MOB3B: variants seen among roughly 807,000 people sequenced by gnomAD.
MOB3B encodes the protein MOB kinase activator-like 2B.
Under a neutral mutation model 18.7 loss-of-function variants are expected in MOB3B, and 7 were observed. The observed-to-expected ratio is 0.37, with a 90% confidence interval of 0.21 to 0.70. The LOEUF (loss-of-function observed/expected upper bound fraction) is 0.70. Ranked by LOEUF, MOB3B falls within the 30% of genes least tolerant of loss-of-function variation. The pLI, the probability that MOB3B is intolerant of heterozygous loss-of-function variation, is 0.52. For synonymous variants in MOB3B, 111 were observed against 99.9 expected, an observed-to-expected ratio of 1.11 and a Z score of -0.66; for missense variants, 253 against 281.3, an observed-to-expected ratio of 0.90 and a Z score of 0.72.
intron 1 of MOB3B, among the ~76,000 whole-genome samples, chr9:27,520,721 G>A (rs1256643465): frequency 1.3e-5 from 2 of 152,178 alleles, no homozygotes; most frequent in Non-Finnish European, 2.9e-5. Flanking sequence ...ATAGAGAAAT[G>A]CAATCAAATG....
intron 1 of MOB3B, among the ~76,000 whole-genome samples, chr9:27,503,767 CT>C (rs1820020799): frequency 1.3e-5 from 2 of 152,232 alleles, no homozygotes; most frequent in Non-Finnish European, 2.9e-5. Context: ...AGCTGAGGGC[CT>C]CTCAAAGAAG....
intron 3 of MOB3B, among the ~76,000 whole-genome samples, chr9:27,353,907 C>T (rs988900157): frequency 6.6e-6 from 1 of 152,240 alleles, no homozygotes; most frequent in African/African-American, 2.4e-5. Context: ...AGGGCCTGGC[C>T]CATTTTCTAA....
chr9:27,343,006 G>A (rs567187445), intron 3 of MOB3B, among the ~76,000 whole-genome samples: 51 of 151,772 alleles, frequency 3.4e-4, no homozygotes, highest in African/African-American at 1.1e-3. Context: ...TTGAGAACGG[G>A]CCATGATGAC....
intron 1 of MOB3B, among the ~76,000 whole-genome samples, chr9:27,460,930 G>A: frequency 6.6e-6 from 1 of 152,188 alleles, no homozygotes; most frequent in East Asian, 1.9e-4. Context: ...CCTGTCTTCA[G>A]TTATTTGGGG....
chr9:27,464,118 A>G (rs1054679990), intron 1 of MOB3B, among the ~76,000 whole-genome samples: 1 of 152,224 alleles, frequency 6.6e-6, no homozygotes, highest in African/African-American at 2.4e-5. Flanking sequence ...AAAAGAAACT[A>G]TGACTTTTGA....
intron 1 of MOB3B, among the ~76,000 whole-genome samples, chr9:27,458,333 A>C (rs763670262): frequency 6.6e-6 from 1 of 152,076 alleles, no homozygotes; most frequent in Non-Finnish European, 1.5e-5. Context: ...GGATGCCATC[A>C]ACAAACCCCT....
chr9:27,413,992 T>C (rs918439461), intron 2 of MOB3B, among the ~76,000 whole-genome samples: 1 of 152,222 alleles, frequency 6.6e-6, no homozygotes, highest in Non-Finnish European at 1.5e-5. Context: ...TTTTAAAAAC[T>C]GACATATGTG....
chr9:27,384,134 T>C (rs1046493405), intron 2 of MOB3B, among the ~76,000 whole-genome samples: 5 of 151,994 alleles, frequency 3.3e-5, no homozygotes, highest in African/African-American at 9.7e-5. Context: ...CAACTAAACT[T>C]TGACAGCCCT....
At chr9:27,383,988 A>T (rs1375707661) in intron 2 of MOB3B, among the ~76,000 whole-genome samples, 1 of 152,252 alleles carries the variant, frequency 6.6e-6, no homozygotes, top group Non-Finnish European at 1.5e-5. Flanking sequence ...TTCCTGGTAT[A>T]GATAAGCATT....
chr9:27,438,904 A>T (rs1422101957), intron 2 of MOB3B, among the ~76,000 whole-genome samples: 1 of 152,148 alleles, frequency 6.6e-6, no homozygotes, highest in Admixed American at 6.6e-5. Flanking sequence ...CAGCAAGTCC[A>T]GGAACCTACC....
At position 27,326,517 on chromosome 9, in the gene MOB3B, C is replaced by T. The variant is rs921556820; in HGVS notation, c.*4070G>A. 5.0e-6 allele frequency: 2 copies of T among 398,396 alleles called. No individual in the cohort carries two copies. Among genetic ancestry groups the T allele is most frequent in the African/African-American group, 2.1e-5 (1 of 48,602 alleles). The allele number at this position is 398,396 out of a possible 1,614,324, so 24.7% of individuals were successfully genotyped here. A position where few individuals can be genotyped will look rare whatever the true frequency, so the allele number is the denominator to read the frequency against. On this transcript the variant is annotated 3_prime_UTR_variant, in exon 4 of 4. Coordinates refer to ENST00000262244, the MANE Select transcript of MOB3B (RefSeq NM_024761.5). ...GGAATTCAAGATGTTGTGGAGGGTT[C>T]AGTGGGTTGGTTATACCAAAGAATG... is the stretch of plus-strand genomic sequence containing the variant.
chr9:27,489,831 T>C (rs1819789087), intron 1 of MOB3B, among the ~76,000 whole-genome samples: 1 of 140,402 alleles, frequency 7.1e-6, no homozygotes, highest in Non-Finnish European at 1.5e-5. Context: ...AACTAACTTC[T>C]TATGTTATTA....
chr9:27,444,319 G>A, intron 2 of MOB3B, among the ~76,000 whole-genome samples: 2 of 151,220 alleles, frequency 1.3e-5, no homozygotes, highest in Non-Finnish European at 2.9e-5. Context: ...AAGGAAGAAA[G>A]GAAGGAAGGA....
At chr9:27,455,830 T>G (rs1049871348) in intron 1 of MOB3B, 82 bp from the exon 2 acceptor site, 1 of 1,311,126 alleles carries the variant, frequency 7.6e-7, no homozygotes, top group African/African-American at 1.5e-5. Flanking sequence ...ATTTCCACCT[T>G]GTGTTCTTGG....
intron 1 of MOB3B, among the ~76,000 whole-genome samples, chr9:27,459,876 CAAAAA>C (rs35792761): frequency 1.2e-5 from 1 of 86,742 alleles, no homozygotes; most frequent in Non-Finnish European, 2.3e-5. Flanking sequence ...TTTCAGTCTC[CAAAAA>C]AAAAAAAAAA....
Position 27,424,408 on chromosome 9 carries a change from A to G in MOB3B, c.418+30725T>C, listed in dbSNP as rs187651983. Among the ~76,000 whole-genome samples, 645 of 152,284 alleles carry G rather than the reference A, an allele frequency of 4.2e-3. 12 individuals are homozygous for G. The highest frequency in any genetic ancestry group is 3.4e-3 in the Middle Eastern group (1 of 294). Reference sequence around the variant, plus strand: ...TCAAACTGAAGGCCCAAAGAGATACACAGGAACAGGGCAGGTCCCCAGTGA... The same window carrying G: ...TCAAACTGAAGGCCCAAAGAGATACGCAGGAACAGGGCAGGTCCCCAGTGA... On this transcript the variant is annotated intron_variant, in intron 2 of 3. Transcript: ENST00000262244.
intron 2 of MOB3B, among the ~76,000 whole-genome samples, chr9:27,443,608 T>G (rs1168998838): frequency 6.6e-6 from 1 of 152,206 alleles, no homozygotes; most frequent in African/African-American, 2.4e-5. Context: ...AGAATTCAAG[T>G]TAGTCCAATC....
chr9:27,374,602 A>G (rs1483234744), intron 2 of MOB3B, among the ~76,000 whole-genome samples: 1 of 152,184 alleles, frequency 6.6e-6, no homozygotes, highest in Non-Finnish European at 1.5e-5. Flanking sequence ...TGGTCTCTCT[A>G]GAACTTGACA....
At chr9:27,483,278 G>A (rs967828036) in intron 1 of MOB3B, among the ~76,000 whole-genome samples, 1 of 151,688 alleles carries the variant, frequency 6.6e-6, no homozygotes, top group Non-Finnish European at 1.5e-5. Context: ...GACTACAGGC[G>A]CCCGCTGCCA....
Sources: gnomAD v4.1 joint callset for allele counts (sites outside exome capture counted in the v4.1 genomes callset) on GRCh38, gnomAD v4.1.1 for gene constraint, MANE v1.5 for transcripts, NCBI Gene and HGNC (gene_info 2026-07-23, HGNC 2026-07-21) for gene names.